Variants in ATL1 observed in about 807,000 individuals in gnomAD.
ATL1 encodes atlastin-1.
Under a neutral mutation model 75.5 loss-of-function variants are expected in ATL1, and 31 were observed. The observed-to-expected ratio is 0.41, with a 90% CI of 0.31 to 0.55. The LOEUF is 0.55. Ranked by LOEUF, ATL1 falls within the 20% of genes least tolerant of loss-of-function variation. The pLI is 0.27. For missense variants in ATL1, 405 were observed against 662.6 expected (o/e 0.61, Z 4.27); for synonymous variants, 226 against 233.3 (o/e 0.97, Z 0.28).
chr14:50,569,246 G>C (rs898332396), intron 1 of ATL1, among the ~76,000 whole-genome samples: 1 of 151,940 alleles, frequency 6.6e-6, no homozygotes, highest in East Asian at 1.9e-4. Context: ...TGTAGCCCCA[G>C]CTACTCCGGA....
chr14:50,553,653 C>T (rs1443358768), intron 1 of ATL1, among the ~76,000 whole-genome samples: 1 of 152,134 alleles, frequency 6.6e-6, no homozygotes, highest in Non-Finnish European at 1.5e-5. Flanking sequence ...AATGCACACG[C>T]ATGTTTGTAG....
At chr14:50,541,759 G>A (rs374242629) in intron 1 of ATL1, among the ~76,000 whole-genome samples, 26 of 151,914 alleles carry the variant, frequency 1.7e-4, no homozygotes, top group African/African-American at 5.8e-4. Context: ...GGTGGCTCAC[G>A]CCTGTAATCC....
chr14:50,615,571 A>G (rs1471693499), intron 8 of ATL1, among the ~76,000 whole-genome samples: 1 of 152,210 alleles, frequency 6.6e-6, no homozygotes, highest in Non-Finnish European at 1.5e-5. Context: ...TGGTGGTTAT[A>G]TACATTTTAT....
intron 1 of ATL1, among the ~76,000 whole-genome samples, chr14:50,573,763 A>T (rs2038976369): frequency 6.6e-6 from 1 of 152,154 alleles, no homozygotes; most frequent in African/African-American, 2.4e-5. Context: ...AAAAAACATG[A>T]AGTGGATTTG....
intron 6 of ATL1, among the ~76,000 whole-genome samples, chr14:50,603,927 T>C (rs1305523600): frequency 1.3e-5 from 2 of 152,194 alleles, no homozygotes; most frequent in Admixed American, 6.5e-5. Flanking sequence ...TCTGGCTACA[T>C]AGAACTAGGT....
At chr14:50,557,554 C>T (rs181287203), upstream of ATL1, among the ~76,000 whole-genome samples, 10 of 152,206 alleles carry the variant, frequency 6.6e-5, no homozygotes, top group East Asian at 7.7e-4. Flanking sequence ...CATTCTATTG[C>T]GTATATGTAT....
chr14:50,620,485 G>C, intron 8 of ATL1, 114 bp from the exon 9 acceptor site: 1 of 1,134,572 alleles, frequency 8.8e-7, no homozygotes, highest in African/African-American at 1.6e-5. Flanking sequence ...GGGGAAGTGA[G>C]TGATGGCATT....
At chr14:50,587,412 T>C (rs1277081173) in intron 1 of ATL1, among the ~76,000 whole-genome samples, 3 of 152,148 alleles carry the variant, frequency 2.0e-5, no homozygotes, top group East Asian at 3.8e-4. Context: ...TTCTTTCTTT[T>C]TTTCTTTTTC....
At chr14:50,560,826 G>A (rs1471853959) in intron 1 of ATL1, among the ~76,000 whole-genome samples, 5 of 152,190 alleles carry the variant, frequency 3.3e-5, no homozygotes, top group Admixed American at 3.3e-4. Context: ...GGAGCGCGCC[G>A]GGTCCCGGAC....
chr14:50,613,352 G>T lies in ATL1; in HGVS notation c.723+1G>T. 1.2e-6 allele frequency: 2 copies of T among 1,610,526 alleles called. No homozygotes were observed. The highest frequency in any genetic ancestry group is 1.7e-6 in the Non-Finnish European group (2 of 1,177,556). ...CAAATTCTTGGAAAAACGCCTCAAG[G>T]TTTGTTAGATATTTAGGTGCATGAA... On this transcript the variant is annotated splice_donor_variant, in intron 7 of 13. Coordinates refer to ENST00000358385, the MANE Select transcript of ATL1 (RefSeq NM_015915.5). LOFTEE classifies it high-confidence loss of function.
At chr14:50,602,303 T>C (rs1291717552) in intron 6 of ATL1, among the ~76,000 whole-genome samples, 1 of 152,190 alleles carries the variant, frequency 6.6e-6, no homozygotes, top group Non-Finnish European at 1.5e-5. Context: ...TGGGCTGTGG[T>C]GGTGGAGAGG....
In ATL1 at chr14:50,560,394, G is replaced by C; in HGVS notation, c.34+95G>C. Reference sequence around the variant, plus strand: ...AGACAGGGAGGGCCAAGGGCTGCTAGGTGCCTGCGTCCACGGCTGGGAGAC... The same window carrying C: ...AGACAGGGAGGGCCAAGGGCTGCTACGTGCCTGCGTCCACGGCTGGGAGAC... On this transcript the variant is annotated intron_variant, in intron 1 of 13. Coordinates refer to ENST00000358385, the MANE Select transcript of ATL1 (RefSeq NM_015915.5). The C allele has an allele frequency of 8.0e-6, 12 of 1,492,694 alleles. No individual in the cohort carries two copies. The South Asian group carries it at 1.4e-4, about 18-fold the overall frequency. The allele number at this position is 1,492,694 out of a possible 1,614,324, so 92.5% of individuals were successfully genotyped here. A position where few individuals can be genotyped will look rare whatever the true frequency, so the allele number is the denominator to read the frequency against.
At chr14:50,555,152 A>G (rs987519643), upstream of ATL1, among the ~76,000 whole-genome samples, 6 of 152,222 alleles carry the variant, frequency 3.9e-5, no homozygotes, top group African/African-American at 1.4e-4. Context: ...ACCCTTCTGT[A>G]TGGCTAGAAT....
At chr14:50,595,664 AC>A in intron 6 of ATL1, 32 bp downstream of exon 6, 2 of 1,603,422 alleles carry the variant, frequency 1.2e-6, no homozygotes, top group Non-Finnish European at 1.7e-6. Flanking sequence ...GTAAATTCTT[AC>A]TAGATTTTCC....
chr14:50,629,582 C>CAAAAAAA (rs1385722553), intron 12 of ATL1, among the ~76,000 whole-genome samples: 1 of 138,118 alleles, frequency 7.2e-6, no homozygotes, highest in African/African-American at 2.9e-5. Flanking sequence ...GCTCCATCTC[C>CAAAAAAA]CAAAAAAAAA....
intron 1 of ATL1, among the ~76,000 whole-genome samples, chr14:50,564,023 G>GTA (rs1291673810): frequency 6.6e-6 from 1 of 152,074 alleles, no homozygotes; most frequent in East Asian, 1.9e-4. Flanking sequence ...ACAAGGAATA[G>GTA]TATGCCAAAA....
intron 8 of ATL1, 58 bp downstream of exon 8, chr14:50,614,569 T>C: frequency 6.4e-7 from 1 of 1,568,276 alleles, no homozygotes; most frequent in Non-Finnish European, 8.8e-7. Flanking sequence ...AAAATGTCAT[T>C]TTATCTATTG....
At chr14:50,607,093 T>A (rs138707589) in intron 6 of ATL1, among the ~76,000 whole-genome samples, 3 of 152,090 alleles carry the variant, frequency 2.0e-5, no homozygotes, top group Non-Finnish European at 4.4e-5. Context: ...ACTCAGAGTG[T>A]TGTTGAGACA....
At chr14:50,590,899 A>G in intron 2 of ATL1, 42 bp from the exon 3 acceptor site, 1 of 1,599,298 alleles carries the variant, frequency 6.3e-7, no homozygotes. Flanking sequence ...AAAACTATAT[A>G]CACATATCAA....
Sources: gnomAD v4.1 joint callset for allele counts (sites outside exome capture counted in the v4.1 genomes callset) on GRCh38, gnomAD v4.1.1 for gene constraint, MANE v1.5 for transcripts, NCBI Gene and HGNC (gene_info 2026-07-23, HGNC 2026-07-21) for gene names.